CAST: variants seen among roughly 807,000 people sequenced by gnomAD.
CAST encodes calpastatin, also known as MIR583 host.
CAST carries 76 observed loss-of-function variants against 119.6 expected under a neutral mutation model. That is an observed-to-expected ratio of 0.64 (90% confidence interval 0.53 to 0.77). CAST has a LOEUF of 0.77. Among genes scored for constraint, CAST ranks in the 30% least tolerant of loss-of-function variants. The probability of loss-of-function intolerance (pLI) is 0.00; values close to 1 mark genes in which losing one functional copy is unlikely to be tolerated. For missense variants in CAST, 953 were observed against 946.5 expected (o/e 1.01, Z -0.09); for synonymous variants, 319 against 331.6 (o/e 0.96, Z 0.41).
At chr5:96,390,089 T>C in the CAST span, among the ~76,000 whole-genome samples, 3 of 152,328 alleles carry the variant, frequency 2.0e-5, no homozygotes, top group South Asian at 6.2e-4. Flanking sequence ...CTGTTTAGTT[T>C]AGTTTAGATA....
At chr5:96,404,326 C>T in the CAST span, among the ~76,000 whole-genome samples, 2 of 152,208 alleles carry the variant, frequency 1.3e-5, no homozygotes, top group Non-Finnish European at 2.9e-5. Context: ...ATACCAGAAA[C>T]TCCTAGGCAG....
At chr5:96,041,718 T>C in the CAST span, among the ~76,000 whole-genome samples, 1 of 151,894 alleles carries the variant, frequency 6.6e-6, no homozygotes, top group African/African-American at 2.4e-5. Flanking sequence ...AAAAAAAAAG[T>C]CTGTTAGAAA....
chr5:96,168,143 A>C, the CAST span, among the ~76,000 whole-genome samples: 3 of 152,148 alleles, frequency 2.0e-5, no homozygotes, highest in South Asian at 6.2e-4. Flanking sequence ...GATAGGTGGA[A>C]GTTTCAGTGG....
At chr5:96,203,095 G>A in the CAST span, among the ~76,000 whole-genome samples, 3 of 151,620 alleles carry the variant, frequency 2.0e-5, no homozygotes, top group Non-Finnish European at 4.4e-5. Flanking sequence ...TTAGGTGTAG[G>A]TGTATATGTG....
chr5:96,139,518 GTGTATATATATACATATA>G, the CAST span, among the ~76,000 whole-genome samples: 1 of 135,996 alleles, frequency 7.4e-6, no homozygotes, highest in Non-Finnish European at 1.6e-5. Context: ...ATATATATAT[GTGTATATATATACATATA>G]TATATGTATA....
chr5:96,655,282 T>C (rs1748144111), intron 1 of CAST, among the ~76,000 whole-genome samples: 1 of 151,754 alleles, frequency 6.6e-6, no homozygotes. Flanking sequence ...CATGGAAAAA[T>C]GCAGGAAAGG....
chr5:96,638,745 C>A (rs1747914145), intron 1 of CAST, among the ~76,000 whole-genome samples: 1 of 152,212 alleles, frequency 6.6e-6, no homozygotes, highest in Admixed American at 6.5e-5. Flanking sequence ...AGGAAACTTT[C>A]TCCTCCCGTG....
the CAST span, among the ~76,000 whole-genome samples, chr5:96,368,481 A>G: frequency 6.6e-6 from 1 of 151,000 alleles, no homozygotes; most frequent in Non-Finnish European, 1.5e-5. Context: ...GCCTGGGGCA[A>G]CAAGAGTGAA....
chr5:96,748,443 T>C (rs1764247317), intron 18 of CAST, 75 bp from the exon 19 acceptor site: 5 of 656,760 alleles, frequency 7.6e-6, no homozygotes, highest in Non-Finnish European at 1.3e-5. Context: ...AGGAAAAAAA[T>C]TGCTCCATGA....
chr5:96,500,167 T>C, the CAST span, among the ~76,000 whole-genome samples: 2 of 152,174 alleles, frequency 1.3e-5, no homozygotes, highest in Non-Finnish European at 2.9e-5. Flanking sequence ...GAAAACGTTT[T>C]GCAATGTTTT....
chr5:96,311,784 T>C, the CAST span, among the ~76,000 whole-genome samples: 5 of 152,046 alleles, frequency 3.3e-5, no homozygotes, highest in African/African-American at 1.2e-4. Context: ...CCCTCCACTT[T>C]CATCTAAGTA....
At chr5:96,118,113 G>C in the CAST span, among the ~76,000 whole-genome samples, 6 of 152,170 alleles carry the variant, frequency 3.9e-5, no homozygotes, top group African/African-American at 1.4e-4. Context: ...TACATGAGTT[G>C]AATCTCTGAA....
At chr5:95,985,580 G>GTTCC in the CAST span, among the ~76,000 whole-genome samples, 1 of 152,162 alleles carries the variant, frequency 6.6e-6, no homozygotes, top group Non-Finnish European at 1.5e-5. Context: ...AAGTTACATA[G>GTTCC]CTGGCCCCTG....
chr5:96,765,208 ATTTAC>A lies in CAST; in HGVS notation c.1933-9_1933-5del. On this transcript the variant is annotated splice_polypyrimidine_tract_variant and splice_region_variant and intron_variant, in intron 25 of 31. Coordinates refer to ENST00000675179, the MANE Select transcript of CAST (RefSeq NM_001750.7). ...GCTAATGAGTGACTAATTCAGCATT[ATTTAC>A]TTTTCAGCAGAGTGACAAAGACCTC... is the stretch of plus-strand genomic sequence containing the variant. 1 of 1,497,912 alleles carries A rather than the reference ATTTAC, an allele frequency of 6.7e-7. No homozygotes were observed. The highest frequency in any genetic ancestry group is 9.3e-7 in the Non-Finnish European group (1 of 1,080,694). 92.8% of individuals were successfully genotyped at this position (1,497,912 alleles called of 1,614,324 possible).
At chr5:96,692,342 C>T (rs907447146) in intron 2 of CAST, among the ~76,000 whole-genome samples, 24 of 152,110 alleles carry the variant, frequency 1.6e-4, no homozygotes, top group African/African-American at 5.6e-4. Context: ...CAAGGGAGGA[C>T]TCAGGGGGTC....
chr5:96,722,845 G>T, intron 4 of CAST, 147 bp downstream of exon 4: 1 of 652,844 alleles, frequency 1.5e-6, no homozygotes, highest in Non-Finnish European at 2.8e-6. Flanking sequence ...ATTTATGGGG[G>T]TCTTTGAAAA....
rs761169263 is a variant in CAST, at chr5:96,757,430, TC to T, written c.1711-7del. 1.2e-6 allele frequency: 2 copies of T among 1,611,862 alleles called. No individual in the cohort carries two copies. The highest frequency in any genetic ancestry group is 1.7e-6 in the Non-Finnish European group (2 of 1,178,126). The stretch of plus-strand genomic sequence containing the variant: ...TAAAATGATTTCATGCCATGTGTTT[TC>T]CCCCCCGGATAGGATAAAGATGGAA... On this transcript the variant is annotated splice_polypyrimidine_tract_variant and intron_variant, in intron 22 of 31. Coordinates refer to ENST00000675179, the MANE Select transcript of CAST (RefSeq NM_001750.7).
chr5:96,178,716 GT>G, the CAST span, among the ~76,000 whole-genome samples: 1 of 152,164 alleles, frequency 6.6e-6, no homozygotes, highest in East Asian at 1.9e-4. Context: ...TGAAGGGGAG[GT>G]TTTTATCTTG....
intron 1 of CAST, among the ~76,000 whole-genome samples, chr5:96,616,706 T>C (rs1747460421): frequency 6.6e-6 from 1 of 151,072 alleles, no homozygotes; most frequent in South Asian, 2.1e-4. Flanking sequence ...ATGTGTGGCC[T>C]CTTAGACACC....
Sources: allele counts gnomAD v4.1 joint callset (sites outside exome capture counted in the v4.1 genomes callset), GRCh38; gene constraint gnomAD v4.1.1; transcripts MANE v1.5; gene names NCBI Gene and HGNC (gene_info 2026-07-23, HGNC 2026-07-21).